The following ZMAT4 variants were observed in gnomAD, a reference collection of about 807,000 sequenced individuals.
ZMAT4 encodes zinc finger matrin-type 4.
A neutral mutation model predicts 28.7 loss-of-function variants in ZMAT4; 17 were observed. That is an observed-to-expected ratio of 0.59 (90% CI 0.41 to 0.89). The LOEUF is 0.89. ZMAT4 is among the 40% of genes least tolerant of loss of function. The pLI, the probability that ZMAT4 is intolerant of heterozygous loss-of-function variation, is 0.00. For synonymous variants in ZMAT4, 117 were observed against 109.2 expected (o/e 1.07, Z -0.44); for missense variants, 240 against 283.8 (o/e 0.85, Z 1.11).
At chr8:40,773,881 T>C (rs111740258) in intron 2 of ZMAT4, among the ~76,000 whole-genome samples, 1,647 of 152,006 alleles carry the variant, frequency 0.011, 20 homozygotes, top group African/African-American at 0.038. Flanking sequence ...AGATCTTATA[T>C]ATGAAAAAAC....
intron 1 of ZMAT4, among the ~76,000 whole-genome samples, chr8:40,871,224 C>T (rs894468319): frequency 1.3e-5 from 2 of 152,126 alleles, no homozygotes; most frequent in East Asian, 3.8e-4. Context: ...CTTAAATATG[C>T]TACAGAGCAA....
intron 1 of ZMAT4, among the ~76,000 whole-genome samples, chr8:40,843,173 C>T (rs1017558586): frequency 3.9e-5 from 6 of 152,248 alleles, no homozygotes; most frequent in Non-Finnish European, 7.3e-5. Flanking sequence ...TTTTGGTTTC[C>T]TTCTACCCAT....
chr8:40,605,474 T>C (rs1379640399), intron 5 of ZMAT4, among the ~76,000 whole-genome samples: 2 of 152,186 alleles, frequency 1.3e-5, no homozygotes, highest in Non-Finnish European at 2.9e-5. Flanking sequence ...TTAATTTTCA[T>C]GTATTTGTAT....
chr8:40,844,657 C>CTGTGTG (rs71224857), intron 1 of ZMAT4, among the ~76,000 whole-genome samples: 3,333 of 142,458 alleles, frequency 0.023, 39 homozygotes, highest in South Asian at 0.042. Flanking sequence ...CTCTCTCATT[C>CTGTGTG]TGTGTGTGTG....
intron 3 of ZMAT4, among the ~76,000 whole-genome samples, chr8:40,711,774 A>G (rs1810634137): frequency 6.6e-6 from 1 of 152,236 alleles, no homozygotes; most frequent in East Asian, 1.9e-4. Context: ...GTGATTCTGG[A>G]AAAGTCAGGA....
chr8:40,691,317 C>T (rs1266014671), intron 4 of ZMAT4, among the ~76,000 whole-genome samples: 1 of 151,646 alleles, frequency 6.6e-6, no homozygotes, highest in African/African-American at 2.4e-5. Context: ...GATAGCACTT[C>T]AGCACTGCTC....
intron 5 of ZMAT4, among the ~76,000 whole-genome samples, chr8:40,633,130 A>G (rs1357427569): frequency 6.6e-6 from 1 of 152,178 alleles, no homozygotes; most frequent in Non-Finnish European, 1.5e-5. Flanking sequence ...GAAAAAATTA[A>G]CATTAATTTT....
At chr8:40,534,833 C>T (rs1802797351) in intron 6 of ZMAT4, among the ~76,000 whole-genome samples, 1 of 152,010 alleles carries the variant, frequency 6.6e-6, no homozygotes, top group African/African-American at 2.4e-5. Context: ...CAGCCACGTG[C>T]TACCACACCT....
At chr8:40,818,585 G>T (rs1815633497) in intron 2 of ZMAT4, among the ~76,000 whole-genome samples, 1 of 152,330 alleles carries the variant, frequency 6.6e-6, no homozygotes, top group African/African-American at 2.4e-5. Context: ...AATGTGTAGT[G>T]CAAAGAAGGC....
chr8:40,810,858 T>C (rs1413584429), intron 2 of ZMAT4, among the ~76,000 whole-genome samples: 1 of 152,022 alleles, frequency 6.6e-6, no homozygotes, highest in Admixed American at 6.6e-5. Context: ...AATAAAAAAA[T>C]GGGCAAACGA....
chr8:40,594,010 A>G (rs11992612), intron 5 of ZMAT4, among the ~76,000 whole-genome samples: 327 of 152,350 alleles, frequency 2.1e-3, no homozygotes, highest in African/African-American at 7.3e-3. Flanking sequence ...CAACACCAGA[A>G]GAAAACACCT....
chr8:40,596,380 C>T lies in ZMAT4; in HGVS notation c.578-15119G>A, dbSNP rs148494315. 4.9e-3 allele frequency among the ~76,000 whole-genome samples: 748 copies of T among 152,300 alleles called. 5 individuals are homozygous for T. The highest frequency in any genetic ancestry group is 0.017 in the African/African-American group (709 of 41,564). On this transcript the variant is annotated intron_variant, in intron 5 of 6. Transcript: ENST00000297737. The stretch of plus-strand genomic sequence containing the variant: ...TCTTCATAAACTTTATTTTTTGACT[C>T]TTTTGTAATAACAGCTTAAAACACA...
At chr8:40,794,725 T>A (rs1431267503) in intron 2 of ZMAT4, among the ~76,000 whole-genome samples, 1 of 152,132 alleles carries the variant, frequency 6.6e-6, no homozygotes, top group Non-Finnish European at 1.5e-5. Context: ...ACACAGGTAT[T>A]CCCAGGTCAG....
intron 5 of ZMAT4, among the ~76,000 whole-genome samples, chr8:40,609,986 C>G (rs1805736107): frequency 6.6e-6 from 1 of 152,194 alleles, no homozygotes; most frequent in Non-Finnish European, 1.5e-5. Context: ...CAAGGTAAGA[C>G]AGCATCTTTG....
intron 2 of ZMAT4, among the ~76,000 whole-genome samples, chr8:40,820,797 G>GCA (rs1815761503): frequency 2.4e-3 from 50 of 20,776 alleles, no homozygotes; most frequent in African/African-American, 8.4e-3. Context: ...GTCTGTGTGT[G>GCA]TATATATGTG....
rs535587485 is a variant in ZMAT4, at chr8:40,805,846, G to A, written c.102+19729C>T. 1.9e-3 allele frequency among the ~76,000 whole-genome samples: 287 copies of A among 150,606 alleles called. 1 individual carries two copies. Among genetic ancestry groups the A allele is most frequent in the Non-Finnish European group, 3.6e-3 (245 of 67,658 alleles). On this transcript the variant is annotated intron_variant, in intron 2 of 6. Coordinates refer to ENST00000297737, the MANE Select transcript of ZMAT4 (RefSeq NM_024645.3). ...GGAGATATACCTAATGCGAGATGAC[G>A]AGTTAGTGGGTGCAGTGCACCAGCA... is the stretch of plus-strand genomic sequence containing the variant.
intron 6 of ZMAT4, among the ~76,000 whole-genome samples, chr8:40,548,248 T>C (rs1466420979): frequency 4.6e-5 from 7 of 151,500 alleles, no homozygotes; most frequent in Admixed American, 1.3e-4. Context: ...AACCACAGAG[T>C]GGGTGGTTTG....
chr8:40,809,616 A>G (rs1815239452), intron 2 of ZMAT4, among the ~76,000 whole-genome samples: 1 of 152,252 alleles, frequency 6.6e-6, no homozygotes, highest in South Asian at 2.1e-4. Context: ...ATCAAATCAC[A>G]CAACAATTAT....
chr8:40,678,763 A>G (rs957336820), intron 4 of ZMAT4, among the ~76,000 whole-genome samples: 1 of 152,178 alleles, frequency 6.6e-6, no homozygotes, highest in African/African-American at 2.4e-5. Context: ...TCAATTCATA[A>G]AAATGCAAAA....
Sources: gnomAD v4.1 joint callset for allele counts (sites outside exome capture counted in the v4.1 genomes callset) on GRCh38, gnomAD v4.1.1 for gene constraint, MANE v1.5 for transcripts, NCBI Gene and HGNC (gene_info 2026-07-23, HGNC 2026-07-21) for gene names.